PLEKHG4B: variants seen among roughly 807,000 people sequenced by gnomAD.
PLEKHG4B encodes the protein pleckstrin homology domain-containing family G member 4B.
Under a neutral mutation model 121.3 loss-of-function variants are expected in PLEKHG4B, and 111 were observed. That is an observed-to-expected ratio of 0.92 (90% confidence interval 0.78 to 1.07). The LOEUF (loss-of-function observed/expected upper bound fraction) is 1.07, where lower values mean the gene tolerates loss of function less well. Among genes scored for constraint, PLEKHG4B ranks in the 50% least tolerant of loss-of-function variants. PLEKHG4B has a pLI of 0.00. For missense variants in PLEKHG4B, 1,831 were observed against 1,757.8 expected (o/e 1.04, Z -0.74); for synonymous variants, 738 against 725.0 (o/e 1.02, Z -0.29).
At chr5:164,446 G>T (rs1167991970) in intron 13 of PLEKHG4B, among the ~76,000 whole-genome samples, 1 of 127,618 alleles carries the variant, frequency 7.8e-6, no homozygotes, top group African/African-American at 4.1e-5. Flanking sequence ...CTGTGACAGG[G>T]GGCGGGGCTC....
intron 18 of PLEKHG4B, among the ~76,000 whole-genome samples, chr5:178,451 A>G (rs1736830560): frequency 6.6e-6 from 1 of 152,184 alleles, no homozygotes. Context: ...TGTGCTTTGT[A>G]GTTGTTATTG....
chr5:125,793 G>T (rs966496368), intron 2 of PLEKHG4B, among the ~76,000 whole-genome samples: 9 of 152,140 alleles, frequency 5.9e-5, no homozygotes, highest in African/African-American at 1.9e-4. Context: ...GGGTCTAGTG[G>T]TAACAAATCC....
At chr5:166,503 T>TGC (rs1736351797) in intron 13 of PLEKHG4B, among the ~76,000 whole-genome samples, 1 of 19,808 alleles carries the variant, frequency 5.0e-5, no homozygotes, top group Non-Finnish European at 1.1e-4. Flanking sequence ...CACAGTAATC[T>TGC]TCTGACGGGG....
chr5:161,587 A>G lies in PLEKHG4B; in HGVS notation c.2488-196A>G, dbSNP rs62344138. The stretch of plus-strand genomic sequence containing the variant: ...AAATGTTCTTCCCCTGTGTAGATCA[A>G]ATCATAGTTTGGAAAAGAACTAGAG... On this transcript the variant is annotated intron_variant, in intron 11 of 19. Transcript: ENST00000637938. 0.15 allele frequency among the ~76,000 whole-genome samples: 16,509 copies of G among 112,336 alleles called. 1,519 individuals carry two copies. The highest frequency in any genetic ancestry group is 0.33 in the African/African-American group (10,805 of 33,210). The allele number at this position is 112,336 out of a possible 152,430, so 73.7% of individuals were successfully genotyped here.
Position 139,754 on chromosome 5 carries a change from G to A in PLEKHG4B, c.515G>A (p.Arg172His), listed in dbSNP as rs944204835. ...CTGGAGTGGGTGAACCGGGAGCGGC[G>A]CCATGTCCCCCTGCAAACCTGCTTG... ...AFLEWVNRER[R>H]HVPLQTCLLT... Residue 172 changes from arginine (R) to histidine (H), a missense_variant, in exon 3 of 20, where the codon CGC becomes CAC. Transcript: ENST00000637938. This position sits in a 1 kb window ranked among gnomAD's most constrained non-coding sequence, Gnocchi z 5.0. 3.3e-5 allele frequency: 13 copies of A among 398,878 alleles called. No homozygotes were observed. Among genetic ancestry groups the A allele is most frequent in the Middle Eastern group, 6.2e-4 (1 of 1,614 alleles). 24.7% of individuals were successfully genotyped at this position (398,878 alleles called of 1,614,324 possible). A position where few individuals can be genotyped will look rare whatever the true frequency, so the allele number is the denominator to read the frequency against.
chr5:140,274 T>A lies in PLEKHG4B; in HGVS notation c.1035T>A (p.Cys345Ter). Residue 345 changes from cysteine (C) to a stop codon, truncating the protein, a stop_gained, in exon 3 of 20, where the codon TGT becomes TGA. Transcript: ENST00000637938. LOFTEE classifies it high-confidence loss of function. ...GGCGGCCGCCGGGGGACCCCACTTG[T>A]GTGCAGCCTAGACGCTGGTTCAGGG... ...SRRRPPGDPTCVQPRRWFRES... is the reference protein window; with the variant it reads ...SRRRPPGDPT 6.8e-7 allele frequency: 1 copy of A among 1,460,442 alleles called. No homozygotes were observed. The highest frequency in any genetic ancestry group is 9.0e-7 in the Non-Finnish European group (1 of 1,105,408). 90.5% of individuals were successfully genotyped at this position (1,460,442 alleles called of 1,614,324 possible). A position where few individuals can be genotyped will look rare whatever the true frequency, so the allele number is the denominator to read the frequency against.
At chr5:142,331 C>CA (rs1234827329) in intron 3 of PLEKHG4B, among the ~76,000 whole-genome samples, 1 of 151,988 alleles carries the variant, frequency 6.6e-6, no homozygotes, top group Non-Finnish European at 1.5e-5. Context: ...CAACCACACA[C>CA]AGTCACATGC....
rs964334145 is a variant in PLEKHG4B, at chr5:139,300, C to T, written c.244-183C>T. On this transcript the variant is annotated intron_variant, in intron 2 of 19. Coordinates refer to ENST00000637938, the MANE Select transcript of PLEKHG4B (RefSeq NM_052909.5). This position sits in a 1 kb window ranked among gnomAD's most constrained non-coding sequence, Gnocchi z 5.0. Reference sequence around the variant, plus strand: ...CTGACCCCTGAACCAAAGAGCAGCCCGTGTTTTCTAGTCCTAATGACCTGC... The same window carrying T: ...CTGACCCCTGAACCAAAGAGCAGCCTGTGTTTTCTAGTCCTAATGACCTGC... Among the ~76,000 whole-genome samples, 4 of 152,222 alleles carry T rather than the reference C, an allele frequency of 2.6e-5. No individual in the cohort carries two copies. The highest frequency in any genetic ancestry group is 7.2e-5 in the African/African-American group (3 of 41,456).
intron 6 of PLEKHG4B, among the ~76,000 whole-genome samples, chr5:145,608 C>G (rs919161224): frequency 2.6e-5 from 4 of 152,224 alleles, no homozygotes; most frequent in African/African-American, 9.6e-5. Flanking sequence ...GCGCACCCAC[C>G]TCAGCCTCCC....
At chr5:126,237 G>A (rs774347907) in intron 2 of PLEKHG4B, among the ~76,000 whole-genome samples, 18 of 152,224 alleles carry the variant, frequency 1.2e-4, no homozygotes, top group Non-Finnish European at 2.4e-4. Flanking sequence ...CTGGCTGCTC[G>A]ATGGTATCCC....
At chr5:166,660 C>T (rs1736362949) in intron 13 of PLEKHG4B, among the ~76,000 whole-genome samples, 1 of 152,058 alleles carries the variant, frequency 6.6e-6, no homozygotes, top group African/African-American at 2.4e-5. Flanking sequence ...CGGCCTGGTT[C>T]CTAATAGGCC....
At position 113,090 on chromosome 5, in the gene PLEKHG4B, T is replaced by G. The variant is rs187772823; in HGVS notation, c.46-161T>G. On this transcript the variant is annotated intron_variant, in intron 1 of 19. Transcript: ENST00000637938. The surrounding 1 kb of genome is among the most constrained non-coding windows in gnomAD (Gnocchi z 5.2). ...ACCACCAGGAGCTCGCCCTGCACCA[T>G]GGATTCGCCTGCACATTTTGTCTTT... 3.4e-4 allele frequency among the ~76,000 whole-genome samples: 52 copies of G among 152,302 alleles called. 1 individual carries two copies. The highest frequency in any genetic ancestry group is 1.1e-3 in the African/African-American group (47 of 41,566).
chr5:109,774 C>T (rs567190706), intron 1 of PLEKHG4B, among the ~76,000 whole-genome samples: 2 of 152,352 alleles, frequency 1.3e-5, no homozygotes, highest in East Asian at 1.9e-4. Flanking sequence ...CTACCGCCAC[C>T]GCCCCATTGG....
chr5:176,391 A>G (rs920596938), intron 18 of PLEKHG4B, among the ~76,000 whole-genome samples: 3 of 152,262 alleles, frequency 2.0e-5, no homozygotes, highest in Non-Finnish European at 1.5e-5. Flanking sequence ...TGCAGGAAGT[A>G]GGCCCTGCCA....
rs543770479 is a variant in PLEKHG4B, at chr5:143,269, G to A, written c.1687+13G>A. 5 of 1,609,556 alleles carry A rather than the reference G, an allele frequency of 3.1e-6. No homozygotes were observed. In the Admixed American group the frequency reaches 8.3e-5, roughly 27 times the overall value. On this transcript the variant is annotated intron_variant, in intron 4 of 19. Transcript: ENST00000637938. ...GTCACCCTCCCAGGTGAGAGCACAT[G>A]CCAGGCTCTCCTGTCAGGGCGGATC...
rs1735106994 is a variant in PLEKHG4B, at chr5:140,043, T to C, written c.804T>C (p.Tyr268=). 1 of 432,442 alleles carries C rather than the reference T, an allele frequency of 2.3e-6. No homozygotes were observed. The highest frequency in any genetic ancestry group is 4.1e-6 in the Non-Finnish European group (1 of 246,172). The allele number at this position is 432,442 out of a possible 1,614,324, so 26.8% of individuals were successfully genotyped here. A position where few individuals can be genotyped will look rare whatever the true frequency, so the allele number is the denominator to read the frequency against. The part of the protein sequence containing the change: ...TGSDQLRHLP[Y]PERAELGSPR... ...GCGACCAGCTCAGGCACCTTCCTTA[T>C]CCAGAAAGAGCCGAGCTGGGAAGCC... The change falls in exon 3 of 20, where the codon TAT becomes TAC. Residue 268 remains tyrosine (Y), a synonymous_variant. Transcript: ENST00000637938.
At chr5:135,909 A>G (rs1174161898) in intron 2 of PLEKHG4B, among the ~76,000 whole-genome samples, 2 of 151,648 alleles carry the variant, frequency 1.3e-5, no homozygotes, top group South Asian at 2.1e-4. Context: ...ACACTTCCTG[A>G]TTTTAAAACT....
At position 188,213 on chromosome 5, in the gene PLEKHG4B, C is replaced by G. The variant is rs1733681606; in HGVS notation, c.*5890C>G. 1 of 152,326 alleles carries G rather than the reference C, an allele frequency of 6.6e-6. No homozygotes were observed. The highest frequency in any genetic ancestry group is 1.5e-5 in the Non-Finnish European group (1 of 68,140). 9.4% of individuals were successfully genotyped at this position (152,326 alleles called of 1,614,324 possible). A position where few individuals can be genotyped will look rare whatever the true frequency, so the allele number is the denominator to read the frequency against. Reference sequence around the variant, plus strand: ...TCCAGCCTCCCGTTCAGAGAAGGCTCCATCCTGGGGACACGCCTCTCCCAA... The same window carrying G: ...TCCAGCCTCCCGTTCAGAGAAGGCTGCATCCTGGGGACACGCCTCTCCCAA... On this transcript the variant is annotated 3_prime_UTR_variant, in exon 20 of 20. Transcript: ENST00000637938.
chr5:187,518 C>A lies in PLEKHG4B; in HGVS notation c.*5195C>A, dbSNP rs1733664810. Reference sequence around the variant, plus strand: ...ACCCCTCATGCCAACACCATTCCACCCAGCAGTTTCTTCCCTGTGGTCAGA... The same window carrying A: ...ACCCCTCATGCCAACACCATTCCACACAGCAGTTTCTTCCCTGTGGTCAGA... On this transcript the variant is annotated 3_prime_UTR_variant, in exon 20 of 20. Coordinates refer to ENST00000637938, the MANE Select transcript of PLEKHG4B (RefSeq NM_052909.5). 1 of 152,346 alleles carries A rather than the reference C, an allele frequency of 6.6e-6. No homozygotes were observed. Among genetic ancestry groups the A allele is most frequent in the Non-Finnish European group, 1.5e-5 (1 of 68,158 alleles). The allele number at this position is 152,346 out of a possible 1,614,324, so 9.4% of individuals were successfully genotyped here.
Sources: gnomAD v4.1 joint callset for allele counts (sites outside exome capture counted in the v4.1 genomes callset) on GRCh38, gnomAD v4.1.1 for gene constraint, Gnocchi (gnomAD v3.1) non-coding constraint, MANE v1.5 for transcripts, NCBI Gene and HGNC (gene_info 2026-07-23, HGNC 2026-07-21) for gene names.